The following NEGR1 variants were observed in gnomAD, a reference collection of about 807,000 sequenced individuals.
NEGR1 encodes the protein neuronal growth regulator 1.
In NEGR1, 10 loss-of-function variants were observed where a neutral mutation model predicts 40.9. The observed-to-expected ratio is 0.24, with a 90% CI of 0.15 to 0.42. The LOEUF is 0.42. Ranked by LOEUF, NEGR1 falls within the 10% of genes least tolerant of loss-of-function variation. NEGR1 has a pLI of 1.00. For synonymous variants in NEGR1, 185 were observed against 166.8 expected, an observed-to-expected ratio of 1.11 and a Z score of -0.84; for missense variants, 352 against 438.9, an observed-to-expected ratio of 0.80 and a Z score of 1.77.
chr1:71,599,806 C>T (rs1649854762), intron 5 of NEGR1, among the ~76,000 whole-genome samples: 1 of 152,044 alleles, frequency 6.6e-6, no homozygotes, highest in African/African-American at 2.4e-5. Flanking sequence ...TTCCTTGTGA[C>T]AATTTGATTC....
At position 72,064,886 on chromosome 1, in the gene NEGR1, G is replaced by C. The variant is rs551234445; in HGVS notation, c.177-129575C>G. 1.1e-4 allele frequency among the ~76,000 whole-genome samples: 17 copies of C among 152,144 alleles called. 1 individual carries two copies. In the South Asian group the frequency reaches 3.3e-3, roughly 30 times the overall value. Reference sequence around the variant, plus strand: ...TAAATGAGGAAACTTAAGAAACACAGTGTATGTGACTTGGCCTAGGGTCAT... The same window carrying C: ...TAAATGAGGAAACTTAAGAAACACACTGTATGTGACTTGGCCTAGGGTCAT... On this transcript the variant is annotated intron_variant, in intron 1 of 6. Coordinates refer to ENST00000357731, the MANE Select transcript of NEGR1 (RefSeq NM_173808.3).
chr1:71,553,988 G>GT (rs1196429704), intron 6 of NEGR1, among the ~76,000 whole-genome samples: 1 of 151,412 alleles, frequency 6.6e-6, no homozygotes, highest in Non-Finnish European at 1.5e-5. Context: ...ACAGAAAAGA[G>GT]TTTTTTAGTG....
intron 2 of NEGR1, among the ~76,000 whole-genome samples, chr1:71,846,528 T>C (rs372997105): frequency 4.6e-5 from 7 of 152,298 alleles, no homozygotes; most frequent in South Asian, 2.1e-4. Context: ...TCTCATCCTC[T>C]GGTTTCACTT....
chr1:71,643,297 G>C (rs568427740), intron 4 of NEGR1, among the ~76,000 whole-genome samples: 1 of 152,022 alleles, frequency 6.6e-6, no homozygotes, highest in Non-Finnish European at 1.5e-5. Flanking sequence ...GGGCAGGAGA[G>C]ACCTTATGTA....
chr1:71,937,643 T>C (rs939170203), intron 1 of NEGR1, among the ~76,000 whole-genome samples: 3 of 152,196 alleles, frequency 2.0e-5, no homozygotes, highest in African/African-American at 7.2e-5. Context: ...ACATTCAACA[T>C]CCTTTCCACT....
At chr1:72,139,398 T>A (rs1650588554) in intron 1 of NEGR1, among the ~76,000 whole-genome samples, 1 of 151,980 alleles carries the variant, frequency 6.6e-6, no homozygotes, top group African/African-American at 2.4e-5. Context: ...AAACTTTTAA[T>A]CATACTGATC....
chr1:72,199,341 T>C (rs1298046332), intron 1 of NEGR1, among the ~76,000 whole-genome samples: 1 of 151,950 alleles, frequency 6.6e-6, no homozygotes, highest in Non-Finnish European at 1.5e-5. Context: ...TATCACAACA[T>C]CTCTAGAAGG....
chr1:71,990,208 G>T (rs943951991), intron 1 of NEGR1, among the ~76,000 whole-genome samples: 5 of 152,096 alleles, frequency 3.3e-5, no homozygotes, highest in African/African-American at 1.2e-4. Context: ...AAAAGTTGTT[G>T]ATCTTATGTA....
intron 6 of NEGR1, among the ~76,000 whole-genome samples, chr1:71,519,924 A>T (rs1043215482): frequency 6.6e-6 from 1 of 152,026 alleles, no homozygotes; most frequent in Non-Finnish European, 1.5e-5. Flanking sequence ...TGGGGTTTTT[A>T]AAACTTTCTC....
At chr1:71,827,467 C>G (rs1408082156) in intron 2 of NEGR1, among the ~76,000 whole-genome samples, 1 of 151,774 alleles carries the variant, frequency 6.6e-6, no homozygotes, top group African/African-American at 2.4e-5. Flanking sequence ...ACTCTTTAAT[C>G]TCTAATGCCA....
intron 1 of NEGR1, among the ~76,000 whole-genome samples, chr1:72,220,158 A>T (rs1389460918): frequency 6.6e-6 from 1 of 152,016 alleles, no homozygotes; most frequent in African/African-American, 2.4e-5. Context: ...TACAATTACC[A>T]ATTAAATCTC....
intron 6 of NEGR1, among the ~76,000 whole-genome samples, chr1:71,493,670 G>A (rs1193347552): frequency 1.3e-5 from 2 of 151,966 alleles, no homozygotes; most frequent in African/African-American, 2.4e-5. Flanking sequence ...TTTAAAATAC[G>A]GTGTTCAAAT....
chr1:71,716,937 G>A (rs1246948009), intron 3 of NEGR1, among the ~76,000 whole-genome samples: 4 of 152,072 alleles, frequency 2.6e-5, no homozygotes, highest in Non-Finnish European at 4.4e-5. Context: ...TTAAACTGGG[G>A]AAGAACTGCC....
chr1:72,272,710 A>G (rs570216420), intron 1 of NEGR1, among the ~76,000 whole-genome samples: 16 of 152,070 alleles, frequency 1.1e-4, no homozygotes, highest in African/African-American at 3.9e-4. Flanking sequence ...CACAGCTTTA[A>G]ACATACGCTA....
intron 1 of NEGR1, among the ~76,000 whole-genome samples, chr1:72,016,317 G>C (rs1371701747): frequency 1.3e-5 from 2 of 152,098 alleles, no homozygotes; most frequent in Non-Finnish European, 2.9e-5. Context: ...AAGATACAGA[G>C]TGTGTCCCTA....
At chr1:71,416,800 C>G (rs1223970304) in intron 6 of NEGR1, among the ~76,000 whole-genome samples, 2 of 152,188 alleles carry the variant, frequency 1.3e-5, no homozygotes, top group African/African-American at 4.8e-5. Flanking sequence ...CTTTGCTGCA[C>G]TTTTGTATTT....
At chr1:71,509,538 TACC>T (rs1226233061) in intron 6 of NEGR1, among the ~76,000 whole-genome samples, 1 of 152,318 alleles carries the variant, frequency 6.6e-6, no homozygotes, top group Non-Finnish European at 1.5e-5. Context: ...CGTAACTTGT[TACC>T]ATACAATTGG....
intron 2 of NEGR1, among the ~76,000 whole-genome samples, chr1:71,846,398 C>T (rs1022323505): frequency 8.8e-5 from 12 of 136,560 alleles, no homozygotes; most frequent in African/African-American, 3.3e-4. Flanking sequence ...CACACACACA[C>T]ACACAAACAC....
intron 1 of NEGR1, among the ~76,000 whole-genome samples, chr1:72,219,980 A>G (rs1267763270): frequency 1.3e-5 from 2 of 152,056 alleles, no homozygotes; most frequent in South Asian, 2.1e-4. Flanking sequence ...AGATCTACCT[A>G]CTGTCCAAAA....
Sources: allele counts gnomAD v4.1 joint callset (sites outside exome capture counted in the v4.1 genomes callset), GRCh38; gene constraint gnomAD v4.1.1; transcripts MANE v1.5; gene names NCBI Gene and HGNC (gene_info 2026-07-23, HGNC 2026-07-21).